The following WASHC5 variants were observed in gnomAD, a reference collection of about 807,000 sequenced individuals.
WASHC5 encodes WASH complex subunit strumpellin.
In WASHC5, 101 loss-of-function variants were observed where a neutral mutation model predicts 150.4. That is an observed-to-expected ratio of 0.67 (90% CI 0.57 to 0.79). The LOEUF (loss-of-function observed/expected upper bound fraction) is 0.79. Ranked by LOEUF, WASHC5 falls within the 30% of genes least tolerant of loss-of-function variation. WASHC5 has a pLI of 0.00. For synonymous variants in WASHC5, 467 were observed against 491.2 expected, an observed-to-expected ratio of 0.95 and a Z score of 0.65; for missense variants, 1,195 against 1,396.3, an observed-to-expected ratio of 0.86 and a Z score of 2.30.
In WASHC5 at chr8:125,080,837, G is replaced by C. The variant is rs746479381; in HGVS notation, c.518+824C>G. 9.2e-5 allele frequency among the ~76,000 whole-genome samples: 14 copies of C among 152,276 alleles called. 1 individual carries two copies. The Middle Eastern group carries it at 0.017, about 185-fold the overall frequency. On this transcript the variant is annotated intron_variant, in intron 5 of 28. Coordinates refer to ENST00000318410, the MANE Select transcript of WASHC5 (RefSeq NM_014846.4). ...GTGGATATGTGCTGTTGCTTGATTT[G>C]TTTTTGTTTCTATGTAAACATGGGA...
chr8:125,034,578 T>C (rs1421241574), intron 26 of WASHC5, among the ~76,000 whole-genome samples: 4 of 152,136 alleles, frequency 2.6e-5, no homozygotes, highest in Non-Finnish European at 5.9e-5. Context: ...ACTACACATA[T>C]ACTCACTCTT....
At chr8:125,048,483 T>C (rs944259662) in intron 19 of WASHC5, among the ~76,000 whole-genome samples, 1 of 152,182 alleles carries the variant, frequency 6.6e-6, no homozygotes, top group Non-Finnish European at 1.5e-5. Flanking sequence ...ATCAAAACCA[T>C]GATGAGATAC....
intron 23 of WASHC5, 39 bp downstream of exon 23, chr8:125,043,785 AT>A: frequency 7.2e-7 from 1 of 1,395,054 alleles, no homozygotes; most frequent in Non-Finnish European, 1.0e-6. Context: ...AAATTTAAAA[AT>A]GTAAGTATTG....
At chr8:125,076,588 C>G (rs1433974081) in intron 6 of WASHC5, 88 bp from the exon 7 acceptor site, 4 of 1,508,480 alleles carry the variant, frequency 2.7e-6, no homozygotes, top group African/African-American at 2.7e-5. Flanking sequence ...TTGTAAGACA[C>G]ATCAGTTTTT....
chr8:125,052,649 T>TA (rs1278620256), intron 17 of WASHC5, among the ~76,000 whole-genome samples: 1 of 112,702 alleles, frequency 8.9e-6, no homozygotes, highest in Admixed American at 1.0e-4. Flanking sequence ...CATACATACA[T>TA]GTTTTTCTGC....
At chr8:125,074,375 A>G (rs1283129901) in intron 8 of WASHC5, among the ~76,000 whole-genome samples, 1 of 152,242 alleles carries the variant, frequency 6.6e-6, no homozygotes, top group African/African-American at 2.4e-5. Flanking sequence ...ATATTGTTTT[A>G]TCCACACAGG....
At chr8:125,056,481 G>A (rs984806727) in intron 16 of WASHC5, among the ~76,000 whole-genome samples, 196 bp downstream of exon 16, 1 of 152,200 alleles carries the variant, frequency 6.6e-6, no homozygotes, top group Non-Finnish European at 1.5e-5. Context: ...AAGGCCTTAA[G>A]TGACACCAGG....
intron 7 of WASHC5, among the ~76,000 whole-genome samples, chr8:125,075,743 G>A (rs1446156988): frequency 6.6e-6 from 1 of 152,168 alleles, no homozygotes; most frequent in Non-Finnish European, 1.5e-5. Flanking sequence ...CGATATAGAA[G>A]CAGAACAAAA....
At chr8:125,044,851 C>T in intron 20 of WASHC5, 153 bp from the exon 21 acceptor site, 3 of 787,460 alleles carry the variant, frequency 3.8e-6, no homozygotes, top group Non-Finnish European at 4.4e-6. Context: ...CCCAATGCGT[C>T]TTCCCAGTGA....
intron 8 of WASHC5, among the ~76,000 whole-genome samples, chr8:125,074,276 T>C (rs1415829732): frequency 6.6e-6 from 1 of 152,234 alleles, no homozygotes; most frequent in Non-Finnish European, 1.5e-5. Context: ...AATATATTTC[T>C]AGGAGATGTG....
At chr8:125,082,565 G>C in intron 3 of WASHC5, 98 bp from the exon 4 acceptor site, 1 of 763,804 alleles carries the variant, frequency 1.3e-6, no homozygotes, top group East Asian at 2.6e-5. Flanking sequence ...AGGATGCCAG[G>C]CATTCTGGCC....
chr8:125,076,763 T>TAAAAAAAAAAAAAAC (rs1817075850), intron 6 of WASHC5, among the ~76,000 whole-genome samples: 1 of 120,952 alleles, frequency 8.3e-6, no homozygotes, highest in African/African-American at 4.6e-5. Context: ...AAAAAAAAAG[T>TAAAAAAAAAAAAAAC]CCCATTCCTG....
Position 125,078,722 on chromosome 8 carries a change from T to A in WASHC5, c.711+16A>T. On this transcript the variant is annotated intron_variant, in intron 6 of 28. Transcript: ENST00000318410. ...GTTAAACTGTCTTAATAGGTCTTAA[T>A]AGATTTAATTCCCACCTGGTTGTAA... The A allele has an allele frequency of 6.3e-7, 1 of 1,593,366 alleles. No individual in the cohort carries two copies. The highest frequency in any genetic ancestry group is 2.2e-5 in the East Asian group (1 of 44,718).
chr8:125,025,943 G>A (rs1449462484), intron 28 of WASHC5, among the ~76,000 whole-genome samples: 1 of 151,974 alleles, frequency 6.6e-6, no homozygotes, highest in Non-Finnish European at 1.5e-5. Flanking sequence ...ACATATCTTG[G>A]TAAACCTTTG....
At chr8:125,032,000 CT>C (rs1308172384) in intron 27 of WASHC5, among the ~76,000 whole-genome samples, 1 of 152,166 alleles carries the variant, frequency 6.6e-6, no homozygotes, top group Non-Finnish European at 1.5e-5. Flanking sequence ...ATTCATGGTC[CT>C]GAGTCACTCC....
intron 8 of WASHC5, among the ~76,000 whole-genome samples, chr8:125,073,844 G>A (rs534796471): frequency 6.6e-6 from 1 of 152,280 alleles, no homozygotes; most frequent in South Asian, 2.1e-4. Flanking sequence ...AATTTCAAAC[G>A]GAGACTTGGA....
At chr8:125,074,878 A>G (rs1817006958) in intron 8 of WASHC5, 120 bp downstream of exon 8, 1 of 732,884 alleles carries the variant, frequency 1.4e-6, no homozygotes, top group Non-Finnish European at 2.5e-6. Flanking sequence ...TTTATTAATC[A>G]TTGCATTAAA....
intron 24 of WASHC5, 32 bp from the exon 25 acceptor site, chr8:125,038,991 T>A (rs910354646): frequency 6.2e-7 from 1 of 1,607,566 alleles, no homozygotes; most frequent in African/African-American, 1.3e-5. Flanking sequence ...AGATAAACAT[T>A]AGTGAGTAAA....
At chr8:125,028,474 C>A in intron 28 of WASHC5, 146 bp downstream of exon 28, 1 of 640,908 alleles carries the variant, frequency 1.6e-6, no homozygotes. Context: ...AAGGACATTT[C>A]AGAGCTGGGG....
Sources: gnomAD v4.1 joint callset for allele counts (sites outside exome capture counted in the v4.1 genomes callset) on GRCh38, gnomAD v4.1.1 for gene constraint, MANE v1.5 for transcripts, NCBI Gene and HGNC (gene_info 2026-07-23, HGNC 2026-07-21) for gene names.